The following SLC17A8 variants were observed in gnomAD, a reference collection of about 807,000 sequenced individuals.
The protein encoded by SLC17A8 is solute carrier family 17 member 8, also known as vesicular glutamate transporter 3.
In SLC17A8, 31 loss-of-function variants were observed where a neutral mutation model predicts 58.0. The ratio of observed to expected loss-of-function variants is 0.53; its 90% CI spans 0.40 to 0.72. The LOEUF is 0.72. Among genes scored for constraint, SLC17A8 ranks in the 30% least tolerant of loss-of-function variants. The pLI, the probability that SLC17A8 is intolerant of heterozygous loss-of-function variation, is 0.00. For missense variants in SLC17A8, 655 were observed against 727.8 expected (o/e 0.90, Z 1.15); for synonymous variants, 228 against 249.0 (o/e 0.92, Z 0.79).
chr12:100,359,574 G>C (rs1207995548), intron 1 of SLC17A8, among the ~76,000 whole-genome samples: 1 of 152,168 alleles, frequency 6.6e-6, no homozygotes, highest in Non-Finnish European at 1.5e-5. Flanking sequence ...CCTAATTGTA[G>C]AATGGCTTTA....
In SLC17A8 at chr12:100,402,576, A is replaced by G. The variant is rs774862251; in HGVS notation, c.904-20A>G. 1 of 1,613,376 alleles carries G rather than the reference A, an allele frequency of 6.2e-7. No homozygotes were observed. The highest frequency in any genetic ancestry group is 1.1e-5 in the South Asian group (1 of 90,962). On this transcript the variant is annotated intron_variant, in intron 7 of 11. Transcript: ENST00000323346. Reference sequence around the variant, plus strand: ...TGTCAATATCTTTACTAAAAATATCATGGTATTTTTACTCCCTAGAAATTT... The same window carrying G: ...TGTCAATATCTTTACTAAAAATATCGTGGTATTTTTACTCCCTAGAAATTT...
At chr12:100,360,444 CT>C (rs1177599864) in intron 1 of SLC17A8, among the ~76,000 whole-genome samples, 1 of 151,882 alleles carries the variant, frequency 6.6e-6, no homozygotes, top group Non-Finnish European at 1.5e-5. Context: ...TACAACTTTT[CT>C]TTTTTTTGGG....
rs546083616 is a variant in SLC17A8, at chr12:100,379,422, G to A, written c.102-1279G>A. Among the ~76,000 whole-genome samples the A allele has an allele frequency of 7.9e-3, 1,012 of 127,372 alleles. 6 individuals carry two copies. Among genetic ancestry groups the A allele is most frequent in the Non-Finnish European group, 0.012 (743 of 64,080 alleles). 83.6% of individuals were successfully genotyped at this position (127,372 alleles called of 152,430 possible). ...CTGCACTCCAGCCTGGCAACAGACC[G>A]AGATTCCGTCCCCAAAAAAAAAAAA... is the stretch of plus-strand genomic sequence containing the variant. On this transcript the variant is annotated intron_variant, in intron 1 of 11. Transcript: ENST00000323346.
chr12:100,373,885 G>T (rs1952576164), intron 1 of SLC17A8, among the ~76,000 whole-genome samples: 1 of 152,078 alleles, frequency 6.6e-6, no homozygotes, highest in Admixed American at 6.6e-5. Context: ...CACTGTGCCT[G>T]GCCCAAATCA....
rs775961742 is a variant in SLC17A8, at chr12:100,393,483, G to A, written c.588G>A (p.Glu196=). ...MCVRILQGLV[E]GVTYPACHGM... ...TCAGAATTCTGCAAGGTTTAGTGGA[G>A]GTAGGAGATACTTTCCTTACAGTTT... The change falls in exon 4 of 12, where the codon GAG becomes GAA. Residue 196 remains glutamate, a splice_region_variant and synonymous_variant. Transcript: ENST00000323346. 2.5e-6 allele frequency: 4 copies of A among 1,605,520 alleles called. No individual in the cohort carries two copies. In the South Asian group the frequency reaches 3.3e-5, roughly 13 times the overall value.
intron 1 of SLC17A8, among the ~76,000 whole-genome samples, chr12:100,362,105 GC>G (rs1952488961): frequency 1.3e-5 from 2 of 152,210 alleles, no homozygotes; most frequent in South Asian, 4.1e-4. Context: ...AAGTGGGGCA[GC>G]CTTTTATATC....
chr12:100,360,881 G>A (rs1000658211), intron 1 of SLC17A8, among the ~76,000 whole-genome samples: 27 of 152,170 alleles, frequency 1.8e-4, no homozygotes, highest in African/African-American at 5.3e-4. Context: ...CTAATCAGTT[G>A]CATCTTTATT....
intron 3 of SLC17A8, among the ~76,000 whole-genome samples, chr12:100,391,782 T>C (rs1952718636): frequency 6.6e-6 from 1 of 152,160 alleles, no homozygotes; most frequent in African/African-American, 2.4e-5. Flanking sequence ...TGGGCCTCAG[T>C]TTCTTCATCT....
intron 2 of SLC17A8, among the ~76,000 whole-genome samples, chr12:100,385,686 T>G (rs1024406413): frequency 6.6e-6 from 1 of 152,200 alleles, no homozygotes; most frequent in Admixed American, 6.5e-5. Context: ...CTCATTGCCC[T>G]TATTGTGAAA....
chr12:100,367,586 T>G (rs1429927513), intron 1 of SLC17A8, among the ~76,000 whole-genome samples: 1 of 152,212 alleles, frequency 6.6e-6, no homozygotes, highest in East Asian at 1.9e-4. Flanking sequence ...GGTCTCACTC[T>G]GTCACCTAGG....
chr12:100,402,830 A>G, intron 8 of SLC17A8, 85 bp downstream of exon 8: 3 of 1,353,492 alleles, frequency 2.2e-6, no homozygotes, highest in Non-Finnish European at 3.0e-6. Flanking sequence ...AAATAATTAA[A>G]TTGCTGATCA....
intron 5 of SLC17A8, among the ~76,000 whole-genome samples, chr12:100,396,768 G>T (rs1401547173): frequency 6.6e-6 from 1 of 151,774 alleles, no homozygotes; most frequent in African/African-American, 2.4e-5. Flanking sequence ...AAAGAAAAAA[G>T]AAATGGAATG....
At position 100,383,125 on chromosome 12, in the gene SLC17A8, G is replaced by C. The variant is rs180731068; in HGVS notation, c.354+2172G>C. 3.5e-4 allele frequency among the ~76,000 whole-genome samples: 54 copies of C among 152,344 alleles called. No homozygotes were observed. In the East Asian group the frequency reaches 4.8e-3, roughly 14 times the overall value. On this transcript the variant is annotated intron_variant, in intron 2 of 11. Transcript: ENST00000323346. ...CATTCTTTCAGCCTTTTGTGAGCAA[G>C]ACCAGCTAATTAAAACTTGTCTGCT... is the stretch of plus-strand genomic sequence containing the variant.
At chr12:100,389,612 G>A (rs577659818) in intron 2 of SLC17A8, among the ~76,000 whole-genome samples, 1 of 150,454 alleles carries the variant, frequency 6.6e-6, no homozygotes, top group East Asian at 1.9e-4. Context: ...TATATATATA[G>A]AGAGAGAGAC....
At chr12:100,402,227 C>T (rs1175612139) in intron 6 of SLC17A8, 113 bp from the exon 7 acceptor site, 2 of 1,196,254 alleles carry the variant, frequency 1.7e-6, no homozygotes, top group Admixed American at 4.0e-5. Flanking sequence ...CTTGTTACAA[C>T]ATTGGTACAT....
In SLC17A8 at chr12:100,380,957, G is replaced by C. The variant is rs727504846; in HGVS notation, c.354+4G>C. On this transcript the variant is annotated splice_donor_region_variant and intron_variant, in intron 2 of 11. Coordinates refer to ENST00000323346, the MANE Select transcript of SLC17A8 (RefSeq NM_139319.3). ...TGATGGAAAACCGGAAATTCAGGTT[G>C]GTATCAGTCCATGGTGGAAGACTTT... The C allele has an allele frequency of 9.3e-6, 15 of 1,613,936 alleles. No individual in the cohort carries two copies. The South Asian group carries it at 1.4e-4, about 15-fold the overall frequency.
At position 100,372,845 on chromosome 12, in the gene SLC17A8, G is replaced by A. The variant is rs540743313; in HGVS notation, c.102-7856G>A. Among the ~76,000 whole-genome samples, 4 of 152,268 alleles carry A rather than the reference G, an allele frequency of 2.6e-5. No homozygotes were observed. The East Asian group carries it at 5.8e-4, about 22-fold the overall frequency. The stretch of plus-strand genomic sequence containing the variant: ...GTCCCAAACTGCTAGGATTGCAGGC[G>A]TGAGCCACCACGCCCAGCCAGTAAA... On this transcript the variant is annotated intron_variant, in intron 1 of 11. Transcript: ENST00000323346.
chr12:100,400,518 C>T (rs916567468), intron 5 of SLC17A8, among the ~76,000 whole-genome samples: 7 of 152,154 alleles, frequency 4.6e-5, no homozygotes, highest in Non-Finnish European at 1.0e-4. Context: ...TCATGATGTT[C>T]AGATTCCAGA....
At position 100,380,829 on chromosome 12, in the gene SLC17A8, T is replaced by C; in HGVS notation, c.230T>C (p.Ile77Thr). Residue 77 changes from isoleucine (I) to threonine (T), a missense_variant, in exon 2 of 12, where the codon ATC (isoleucine) becomes ACC (threonine). Coordinates refer to ENST00000323346, the MANE Select transcript of SLC17A8 (RefSeq NM_139319.3). ...TGCTGCGGCCTCCCCAAGCGTTACA[T>C]CATTGCTATCATGAGTGGGCTGGGA... ...CHCCGLPKRYIIAIMSGLGFC... is the reference protein window; with the variant it reads ...CHCCGLPKRYTIAIMSGLGFC... 1 of 1,614,128 alleles carries C rather than the reference T, an allele frequency of 6.2e-7. No homozygotes were observed. The highest frequency in any genetic ancestry group is 8.5e-7 in the Non-Finnish European group (1 of 1,180,020).
Sources: gnomAD v4.1 joint callset for allele counts (sites outside exome capture counted in the v4.1 genomes callset) on GRCh38, gnomAD v4.1.1 for gene constraint, MANE v1.5 for transcripts, NCBI Gene and HGNC (gene_info 2026-07-23, HGNC 2026-07-21) for gene names.